Variants in CCDC6 observed in about 807,000 individuals in gnomAD.
The protein encoded by CCDC6 is coiled-coil domain-containing protein 6.
In CCDC6, 20 loss-of-function variants were observed where a neutral mutation model predicts 56.6. The observed-to-expected ratio is 0.35, with a 90% CI of 0.25 to 0.51. The LOEUF (loss-of-function observed/expected upper bound fraction) is 0.51. CCDC6 is among the 20% of genes least tolerant of loss of function. CCDC6 has a pLI of 0.95. For synonymous variants in CCDC6, 241 were observed against 234.4 expected (o/e 1.03, Z -0.26); for missense variants, 367 against 601.1 (o/e 0.61, Z 4.07).
At position 59,835,447 on chromosome 10, in the gene CCDC6, T is replaced by C. The variant is rs543828090; in HGVS notation, c.454-2794A>G. 5.9e-5 allele frequency among the ~76,000 whole-genome samples: 9 copies of C among 152,278 alleles called. No homozygotes were observed. The South Asian group carries it at 1.9e-3, about 32-fold the overall frequency. On this transcript the variant is annotated intron_variant, in intron 2 of 8. Transcript: ENST00000263102. ...CAAAGCCTAACAGAGCTCTCAATTT[T>C]AGGAGGCATTTTCCTCTCAAGAGCT...
In CCDC6 at chr10:59,793,110, C is replaced by T. The variant is rs747358471; in HGVS notation, c.1232G>A (p.Arg411Lys). ...QHMGTSHGIT[R>K]PSPRRSNSPD... ...ACTGTTGCTTCTCCGTGGTGAAGGCCTCTGCAGAGGGGACAGGAACAGCAA... is the reference window on the plus strand; with the variant it reads ...ACTGTTGCTTCTCCGTGGTGAAGGCTTCTGCAGAGGGGACAGGAACAGCAA... The change falls in exon 9 of 9, where the codon AGG (arginine) becomes AAG (lysine). Residue 411 changes from arginine to lysine, a missense_variant and splice_region_variant. This residue lies in a region of CCDC6 where 79 missense variants were observed against 83.9 expected (regional missense o/e 0.94). Coordinates refer to ENST00000263102, the MANE Select transcript of CCDC6 (RefSeq NM_005436.5). The T allele has an allele frequency of 1.9e-6, 3 of 1,613,734 alleles. No individual in the cohort carries two copies. In the South Asian group the frequency reaches 3.3e-5, roughly 18 times the overall value.
chr10:59,895,250 A>C (rs1026660702), intron 1 of CCDC6, among the ~76,000 whole-genome samples: 13 of 152,138 alleles, frequency 8.5e-5, no homozygotes, highest in African/African-American at 3.1e-4. Flanking sequence ...TGCAGTCAAC[A>C]ATGATGGCAC....
chr10:59,796,321 G>T (rs1218059902), intron 7 of CCDC6, among the ~76,000 whole-genome samples: 1 of 131,582 alleles, frequency 7.6e-6, no homozygotes, highest in African/African-American at 3.1e-5. Context: ...TTTTGATGGG[G>T]TTGTTTTTTT....
At chr10:59,797,683 TTGTGTGTGTG>T (rs72280811) in intron 7 of CCDC6, among the ~76,000 whole-genome samples, 14,452 of 140,486 alleles carry the variant, frequency 0.1, 1,285 homozygotes, top group African/African-American at 0.24. Flanking sequence ...AGTGAGAGTG[TTGTGTGTGTG>T]TGTGTGTGTG....
At position 59,877,875 on chromosome 10, in the gene CCDC6, C is replaced by A. The variant is rs147725311; in HGVS notation, c.304-25173G>T. On this transcript the variant is annotated intron_variant, in intron 1 of 8. Transcript: ENST00000263102. ...CACAAAACAAAATCACTTCCAAATA[C>A]AATGAGAAAGTAAAATTTTAAAAAT... 7.9e-4 allele frequency among the ~76,000 whole-genome samples: 121 copies of A among 152,230 alleles called. 1 individual carries two copies. The highest frequency in any genetic ancestry group is 3.4e-3 in the Middle Eastern group (1 of 294).
At position 59,812,765 on chromosome 10, in the gene CCDC6, G is replaced by C. The variant is rs774944149; in HGVS notation, c.717C>G (p.Val239=). 3.7e-6 allele frequency: 6 copies of C among 1,609,694 alleles called. No individual in the cohort carries two copies. Among genetic ancestry groups the C allele is most frequent in the Non-Finnish European group, 5.1e-6 (6 of 1,177,588 alleles). The change falls in exon 5 of 9, where the codon GTC becomes GTG. Residue 239 remains valine (V), a synonymous_variant. Coordinates refer to ENST00000263102, the MANE Select transcript of CCDC6 (RefSeq NM_005436.5). ...TATCTCTAGGCGATGGTGGAGCAGA[G>C]ACGGGCTGGTCTAATTTTTCCTGCA... ...RILQEKLDQP[V]SAPPSPRDIS...
intron 3 of CCDC6, among the ~76,000 whole-genome samples, chr10:59,826,119 T>C (rs571656164): frequency 2.0e-5 from 3 of 152,242 alleles, no homozygotes; most frequent in African/African-American, 7.2e-5. Flanking sequence ...CAAGCCCTGG[T>C]AGAGCTATGT....
At chr10:59,901,399 G>C (rs1027594908) in intron 1 of CCDC6, among the ~76,000 whole-genome samples, 2 of 152,154 alleles carry the variant, frequency 1.3e-5, no homozygotes, top group Non-Finnish European at 2.9e-5. Context: ...GACTTCCAGA[G>C]TAAATAATCC....
At chr10:59,896,199 A>G (rs984337371) in intron 1 of CCDC6, among the ~76,000 whole-genome samples, 1 of 152,224 alleles carries the variant, frequency 6.6e-6, no homozygotes, top group Non-Finnish European at 1.5e-5. Context: ...ATAAAATTAC[A>G]GTTTATTCCA....
intron 7 of CCDC6, among the ~76,000 whole-genome samples, chr10:59,797,056 T>C (rs2070527191): frequency 6.6e-6 from 1 of 151,372 alleles, no homozygotes. Flanking sequence ...TATAGACATA[T>C]AAAGGAATAT....
At chr10:59,875,683 C>T (rs1273115681) in intron 1 of CCDC6, among the ~76,000 whole-genome samples, 4 of 152,112 alleles carry the variant, frequency 2.6e-5, no homozygotes, top group Admixed American at 2.0e-4. Context: ...TGGTCTGCGC[C>T]GATGCTATTC....
intron 1 of CCDC6, among the ~76,000 whole-genome samples, chr10:59,860,677 C>T (rs2071120374): frequency 6.6e-6 from 1 of 152,132 alleles, no homozygotes; most frequent in Non-Finnish European, 1.5e-5. Context: ...AAGACCCAAA[C>T]CCAACTCAAT....
intron 3 of CCDC6, among the ~76,000 whole-genome samples, chr10:59,815,663 C>T (rs964057662): frequency 6.6e-6 from 1 of 152,100 alleles, no homozygotes; most frequent in African/African-American, 2.4e-5. Context: ...TATCATTCTC[C>T]GTACTTGACA....
At chr10:59,821,546 A>C (rs1315189054) in intron 3 of CCDC6, among the ~76,000 whole-genome samples, 6 of 152,178 alleles carry the variant, frequency 3.9e-5, no homozygotes, top group South Asian at 2.1e-4. Flanking sequence ...TAGACCACAG[A>C]GTATCCCCAG....
chr10:59,901,849 A>G (rs756931332), intron 1 of CCDC6, among the ~76,000 whole-genome samples: 1 of 152,138 alleles, frequency 6.6e-6, no homozygotes, highest in Non-Finnish European at 1.5e-5. Flanking sequence ...ATAATCCACA[A>G]TCACATTCTC....
At chr10:59,815,633 T>C (rs1181481553) in intron 3 of CCDC6, among the ~76,000 whole-genome samples, 3 of 152,170 alleles carry the variant, frequency 2.0e-5, no homozygotes, top group African/African-American at 7.2e-5. Context: ...TTCATAGCAA[T>C]GAGTAGAGGA....
chr10:59,830,718 G>A (rs909861482), intron 3 of CCDC6, among the ~76,000 whole-genome samples: 6 of 152,188 alleles, frequency 3.9e-5, no homozygotes, highest in Non-Finnish European at 7.3e-5. Context: ...AGCTACTAAA[G>A]TCTGCAAAGG....
chr10:59,862,564 T>TACACACACACAC (rs1317655013), intron 1 of CCDC6, among the ~76,000 whole-genome samples: 2 of 109,382 alleles, frequency 1.8e-5, no homozygotes, highest in Non-Finnish European at 3.5e-5. Flanking sequence ...CACATATATA[T>TACACACACACAC]ACACATACAC....
chr10:59,793,042 T>C lies in CCDC6; in HGVS notation c.1300A>G (p.Thr434Ala). 1.2e-6 allele frequency: 2 copies of C among 1,613,854 alleles called. No individual in the cohort carries two copies. The highest frequency in any genetic ancestry group is 8.5e-7 in the Non-Finnish European group (1 of 1,179,816). ...KRPTPPPSPNTQTPVQPPPPP... is the reference protein window; with the variant it reads ...KRPTPPPSPNAQTPVQPPPPP... ...GGAGGTGGCTGGACTGGGGTCTGTG[T>C]GTTGGGAGATGGAGGCGGCGTGGGC... Residue 434 changes from threonine (T) to alanine (A), a missense_variant, in exon 9 of 9, where the codon ACA becomes GCA. This residue lies in a region of CCDC6 where 54 missense variants were observed against 60.0 expected (regional missense o/e 0.90). Coordinates refer to ENST00000263102, the MANE Select transcript of CCDC6 (RefSeq NM_005436.5).
Sources: gnomAD v4.1 joint callset for allele counts (sites outside exome capture counted in the v4.1 genomes callset) on GRCh38, gnomAD v4.1.1 for gene constraint, gnomAD v4.1.1 regional missense constraint, MANE v1.5 for transcripts, NCBI Gene and HGNC (gene_info 2026-07-23, HGNC 2026-07-21) for gene names.